RNF122: variants seen among roughly 807,000 people sequenced by gnomAD.
RNF122 encodes the protein ring finger protein 122.
RNF122 carries 17 observed loss-of-function variants against 24.2 expected under a neutral mutation model. The observed-to-expected ratio is 0.70, with a 90% CI of 0.48 to 1.06. The LOEUF (loss-of-function observed/expected upper bound fraction) is 1.06, where lower values mean the gene tolerates loss of function less well. Among genes scored for constraint, RNF122 ranks in the 50% least tolerant of loss-of-function variants. The pLI is 0.00. For missense variants in RNF122, 168 were observed against 198.1 expected (o/e 0.85, Z 0.91); for synonymous variants, 65 against 71.8 (o/e 0.91, Z 0.48).
intron 1 of RNF122, among the ~76,000 whole-genome samples, chr8:33,561,759 T>G (rs1000591400): frequency 1.3e-5 from 2 of 152,112 alleles, no homozygotes; most frequent in Non-Finnish European, 2.9e-5. Flanking sequence ...GACAGTCTGG[T>G]CTTGAACACC....
chr8:33,551,172 T>C (rs1278001439), intron 3 of RNF122, 87 bp from the exon 4 acceptor site: 4 of 1,513,928 alleles, frequency 2.6e-6, no homozygotes, highest in African/African-American at 2.8e-5. Flanking sequence ...GGGAGTCCCC[T>C]GGACTGCCTG....
chr8:33,555,885 AG>A (rs1810443921), intron 2 of RNF122, among the ~76,000 whole-genome samples: 1 of 152,122 alleles, frequency 6.6e-6, no homozygotes, highest in African/African-American at 2.4e-5. Context: ...GAGTGGCTAA[AG>A]GCCGGGCACG....
At chr8:33,557,296 C>T (rs1264671963) in intron 2 of RNF122, among the ~76,000 whole-genome samples, 1 of 152,156 alleles carries the variant, frequency 6.6e-6, no homozygotes, top group Non-Finnish European at 1.5e-5. Context: ...CTTTGATTCC[C>T]ATTCTAAATA....
intron 1 of RNF122, among the ~76,000 whole-genome samples, chr8:33,565,300 A>T (rs1284891928): frequency 6.6e-6 from 1 of 152,074 alleles, no homozygotes; most frequent in Non-Finnish European, 1.5e-5. Context: ...TGGGGTATAC[A>T]TGCTACCCAA....
intron 2 of RNF122, among the ~76,000 whole-genome samples, chr8:33,558,263 A>C (rs1198913563): frequency 6.6e-6 from 1 of 152,028 alleles, no homozygotes; most frequent in African/African-American, 2.4e-5. Context: ...GTTCCCGACC[A>C]CCCAAAGGGC....
At chr8:33,560,163 T>C (rs1440499538) in intron 1 of RNF122, among the ~76,000 whole-genome samples, 3 of 151,812 alleles carry the variant, frequency 2.0e-5, no homozygotes, top group African/African-American at 7.3e-5. Context: ...TTTAACAAGC[T>C]CCTCAGGTGA....
chr8:33,557,889 T>C (rs1419144591), intron 2 of RNF122, among the ~76,000 whole-genome samples: 3 of 152,116 alleles, frequency 2.0e-5, no homozygotes, highest in African/African-American at 7.2e-5. Context: ...ATGCCTGCAA[T>C]CCTAGCATTT....
At chr8:33,562,918 C>T (rs1035679062) in intron 1 of RNF122, among the ~76,000 whole-genome samples, 4 of 151,834 alleles carry the variant, frequency 2.6e-5, no homozygotes, top group Non-Finnish European at 4.4e-5. Flanking sequence ...GAGAGACTCC[C>T]GTCTCTAAAC....
chr8:33,552,416 A>T (rs1043810529), intron 2 of RNF122, among the ~76,000 whole-genome samples: 1 of 144,458 alleles, frequency 6.9e-6, no homozygotes, highest in Non-Finnish European at 1.6e-5. Context: ...ATAAAAAAAG[A>T]AAAAGAAAAA....
intron 4 of RNF122, among the ~76,000 whole-genome samples, chr8:33,550,226 C>T (rs1037038436): frequency 6.6e-6 from 1 of 152,146 alleles, no homozygotes; most frequent in South Asian, 2.1e-4. Flanking sequence ...AGCCACCGCA[C>T]CTGGCCCAGT....
intron 2 of RNF122, among the ~76,000 whole-genome samples, chr8:33,553,136 T>C (rs1211816624): frequency 6.6e-6 from 1 of 151,372 alleles, no homozygotes; most frequent in Non-Finnish European, 1.5e-5. Context: ...ATGGAGCTTT[T>C]CCTGGTGATC....
intron 4 of RNF122, among the ~76,000 whole-genome samples, chr8:33,549,884 CTTAA>C (rs1227179521): frequency 6.6e-6 from 1 of 150,994 alleles, no homozygotes; most frequent in African/African-American, 2.4e-5. Flanking sequence ...TGATGTGGCA[CTTAA>C]TACCAACTAG....
chr8:33,551,884 G>A (rs185437231), intron 2 of RNF122, among the ~76,000 whole-genome samples: 26 of 152,244 alleles, frequency 1.7e-4, no homozygotes, highest in African/African-American at 5.5e-4. Flanking sequence ...TCACTGTGCC[G>A]GACAACACAG....
Position 33,553,927 on chromosome 8 carries a change from C to A in RNF122, c.183-2538G>T, listed in dbSNP as rs187010774. On this transcript the variant is annotated intron_variant, in intron 2 of 5. Coordinates refer to ENST00000256257, the MANE Select transcript of RNF122 (RefSeq NM_024787.3). ...GGGGCAGCCCATCCACCGTCCCCTCCCCTCCCACCTCTCCCCACAATATCC... is the reference window on the plus strand; with the variant it reads ...GGGGCAGCCCATCCACCGTCCCCTCACCTCCCACCTCTCCCCACAATATCC... Among the ~76,000 whole-genome samples, 222 of 152,332 alleles carry A rather than the reference C, an allele frequency of 1.5e-3. 1 individual carries two copies. Among genetic ancestry groups the A allele is most frequent in the African/African-American group, 5.1e-3 (211 of 41,582 alleles).
At chr8:33,563,275 T>C (rs1353605092) in intron 1 of RNF122, among the ~76,000 whole-genome samples, 1 of 152,214 alleles carries the variant, frequency 6.6e-6, no homozygotes, top group African/African-American at 2.4e-5. Context: ...CCTGGTCCCC[T>C]TGGCAAAACC....
intron 1 of RNF122, 48 bp downstream of exon 1, chr8:33,566,651 G>C: frequency 6.4e-7 from 1 of 1,572,190 alleles, no homozygotes; most frequent in Middle Eastern, 1.7e-4. Flanking sequence ...CCCGCGCCGC[G>C]GCTCCCACCA....
chr8:33,558,797 A>G (rs1489128440), intron 1 of RNF122, 26 bp from the exon 2 acceptor site: 1 of 1,452,360 alleles, frequency 6.9e-7, no homozygotes, highest in Admixed American at 1.9e-5. Context: ...AAAAAAAATC[A>G]TTAGGGTTGG....
At chr8:33,558,570 C>G (rs774485693) in intron 2 of RNF122, 45 bp downstream of exon 2, 1 of 1,528,168 alleles carries the variant, frequency 6.5e-7, no homozygotes, top group Non-Finnish European at 8.9e-7. Flanking sequence ...CTGGTCTCCT[C>G]CCTCCTGCTG....
chr8:33,549,424 G>T lies in RNF122; in HGVS notation c.339C>A (p.His113Gln). 6.2e-7 allele frequency: 1 copy of T among 1,613,832 alleles called. No homozygotes were observed. The highest frequency in any genetic ancestry group is 8.5e-7 in the Non-Finnish European group (1 of 1,179,710). The change falls in exon 5 of 6, where the codon CAC (histidine) becomes CAA (glutamine). Residue 113 changes from histidine (H) to glutamine (Q), a missense_variant. Transcript: ENST00000256257. ...KDELGVLPCQ[H>Q]AFHRKCLVKW... is the part of the protein sequence containing the mutation. ...TTCCCACGTACTTGCGGTGAAAGGC[G>T]TGTTGGCACGGGAGCACGCCTAACT...
Sources: allele counts gnomAD v4.1 joint callset (sites outside exome capture counted in the v4.1 genomes callset), GRCh38; gene constraint gnomAD v4.1.1; transcripts MANE v1.5; gene names NCBI Gene and HGNC (gene_info 2026-07-23, HGNC 2026-07-21).